The following SNX25 variants were observed in gnomAD, a reference collection of about 807,000 sequenced individuals.
The protein encoded by SNX25 is sorting nexin-25.
SNX25 carries 62 observed loss-of-function variants against 113.7 expected under a neutral mutation model. The ratio of observed to expected loss-of-function variants is 0.55; its 90% confidence interval spans 0.44 to 0.67. SNX25 has a LOEUF of 0.67. Among genes scored for constraint, SNX25 ranks in the 30% least tolerant of loss-of-function variants. The pLI is 0.00. For missense variants in SNX25, 1,014 were observed against 1,161.0 expected (o/e 0.87, Z 1.84); for synonymous variants, 421 against 436.2 (o/e 0.97, Z 0.43).
intron 5 of SNX25, among the ~76,000 whole-genome samples, chr4:185,268,199 A>G (rs1337255522): frequency 6.6e-6 from 1 of 152,222 alleles, no homozygotes; most frequent in Non-Finnish European, 1.5e-5. Context: ...CACTGGAAGG[A>G]CATCAGAAGG....
At chr4:185,378,154 G>A in the SNX25 span, 1 of 1,614,022 alleles carries the variant, frequency 6.2e-7, no homozygotes, top group Non-Finnish European at 8.5e-7. Flanking sequence ...CATAAAAGGG[G>A]TTCTTGGGCA....
At chr4:185,276,605 C>T (rs1212921333) in intron 5 of SNX25, among the ~76,000 whole-genome samples, 3 of 152,070 alleles carry the variant, frequency 2.0e-5, no homozygotes, top group East Asian at 1.9e-4. Context: ...GAGGCTGGGG[C>T]GGGAGGATGG....
At chr4:185,376,911 C>G in the SNX25 span, 1 of 1,605,946 alleles carries the variant, frequency 6.2e-7, no homozygotes, top group Non-Finnish European at 8.5e-7. Context: ...AATGATACCT[C>G]TTCAAAATAT....
upstream of SNX25, among the ~76,000 whole-genome samples, chr4:185,208,178 G>A (rs1448955918): frequency 2.0e-5 from 3 of 151,880 alleles, no homozygotes; most frequent in East Asian, 2.0e-4. Context: ...GCGCGATGTC[G>A]GCTCACTGCG....
intron 2 of SNX25, among the ~76,000 whole-genome samples, chr4:185,253,455 T>TTC (rs1347157213): frequency 6.6e-6 from 1 of 151,686 alleles, no homozygotes; most frequent in Non-Finnish European, 1.5e-5. Context: ...TTCAGACTTT[T>TTC]TTTTCTTTTC....
rs1747013036 is a variant in SNX25, at chr4:185,259,748, G to A, written c.731+684G>A. ...AACTGCAATGAGTAGCCTTCTGCCT[G>A]TGTGGATATGGACACGGTTGGAACA... On this transcript the variant is annotated intron_variant, in intron 3 of 18. Transcript: ENST00000652585. Among the ~76,000 whole-genome samples the A allele has an allele frequency of 2.0e-5, 3 of 152,278 alleles. No homozygotes were observed. In the South Asian group the frequency reaches 6.2e-4, roughly 32 times the overall value.
downstream of SNX25, chr4:185,373,093 A>G (rs145461606): frequency 1.0e-5 from 16 of 1,592,544 alleles, no homozygotes; most frequent in African/African-American, 5.4e-5. Context: ...AGAAAAGCAC[A>G]GTTTCATCAT....
chr4:185,270,650 A>G (rs1748791880), intron 5 of SNX25, among the ~76,000 whole-genome samples: 1 of 152,214 alleles, frequency 6.6e-6, no homozygotes, highest in South Asian at 2.1e-4. Flanking sequence ...CACCCCAAAA[A>G]GAAACCCTGT....
At chr4:185,217,198 A>G (rs909729125) in intron 1 of SNX25, among the ~76,000 whole-genome samples, 2 of 151,860 alleles carry the variant, frequency 1.3e-5, no homozygotes, top group African/African-American at 2.4e-5. Flanking sequence ...TGGGAGGCCG[A>G]GCCAAGGTCG....
chr4:185,332,496 T>C (rs1374620710), intron 9 of SNX25, 99 bp from the exon 10 acceptor site: 3 of 1,144,154 alleles, frequency 2.6e-6, no homozygotes, highest in Admixed American at 6.0e-5. Context: ...ATTCTTTCCT[T>C]ACTGGAATGT....
intron 9 of SNX25, among the ~76,000 whole-genome samples, chr4:185,324,613 G>A (rs1040629565): frequency 2.0e-5 from 3 of 152,102 alleles, no homozygotes; most frequent in African/African-American, 4.8e-5. Context: ...GTCTCTGGTC[G>A]GGGAGGGATT....
Position 185,294,415 on chromosome 4 carries a change from G to C in SNX25, c.1162+6333G>C, listed in dbSNP as rs555800014. 2.9e-4 allele frequency among the ~76,000 whole-genome samples: 44 copies of C among 152,260 alleles called. No homozygotes were observed. The South Asian group carries it at 8.9e-3, about 31-fold the overall frequency. On this transcript the variant is annotated intron_variant, in intron 6 of 18. Transcript: ENST00000652585. ...ACTCAGTTGTTTTCATCTTTAGATT[G>C]AGTGCTCTAGATAATCATAAAGGGT...
chr4:185,290,200 C>A (rs117470875), intron 6 of SNX25, among the ~76,000 whole-genome samples: 1 of 152,192 alleles, frequency 6.6e-6, no homozygotes, highest in Admixed American at 6.5e-5. Flanking sequence ...TCCTAAGGTA[C>A]TTGGCGTTAG....
chr4:185,378,312 C>A, the SNX25 span: 1 of 1,484,034 alleles, frequency 6.7e-7, no homozygotes, highest in South Asian at 1.4e-5. Flanking sequence ...GCATCCTTCT[C>A]TCATCGCCTA....
At chr4:185,231,475 C>T (rs1211108351) in intron 1 of SNX25, among the ~76,000 whole-genome samples, 3 of 151,674 alleles carry the variant, frequency 2.0e-5, no homozygotes, top group Non-Finnish European at 4.4e-5. Context: ...TTTGGGAGGG[C>T]GAAGCAGGCA....
upstream of SNX25, among the ~76,000 whole-genome samples, chr4:185,207,042 TC>T (rs1200576711): frequency 1.3e-5 from 2 of 152,216 alleles, no homozygotes; most frequent in East Asian, 3.9e-4. Context: ...TTTTGTTCTT[TC>T]TGGGCCACAG....
chr4:185,332,581 G>GA lies in SNX25; in HGVS notation c.1750-13dup. 3.1e-6 allele frequency: 5 copies of GA among 1,598,964 alleles called. No homozygotes were observed. Among genetic ancestry groups the GA allele is most frequent in the Non-Finnish European group, 4.3e-6 (5 of 1,172,268 alleles). ...ATCATTATAAGATATGGTGGTATGT[G>GA]ACTCTCCCCCTAGGGCCCAAGAGAT... On this transcript the variant is annotated splice_polypyrimidine_tract_variant and intron_variant, in intron 9 of 18. Coordinates refer to ENST00000652585, the MANE Select transcript of SNX25 (RefSeq NM_001378034.2).
intron 1 of SNX25, among the ~76,000 whole-genome samples, chr4:185,217,251 T>TC (rs79970216): frequency 9.5e-4 from 83 of 87,542 alleles, no homozygotes; most frequent in Non-Finnish European, 2.0e-3. Flanking sequence ...AGACTGTGTC[T>TC]TGGGAAAAAA....
At chr4:185,328,882 G>T (rs1220385492) in intron 9 of SNX25, among the ~76,000 whole-genome samples, 1 of 152,110 alleles carries the variant, frequency 6.6e-6, no homozygotes, top group Non-Finnish European at 1.5e-5. Flanking sequence ...TGAAGGCTTG[G>T]GGGCAGGAGG....
Sources: gnomAD v4.1 joint callset for allele counts (sites outside exome capture counted in the v4.1 genomes callset) on GRCh38, gnomAD v4.1.1 for gene constraint, MANE v1.5 for transcripts, NCBI Gene and HGNC (gene_info 2026-07-23, HGNC 2026-07-21) for gene names.